C3orf52: variants seen among roughly 807,000 people sequenced by gnomAD.
The protein encoded by C3orf52 is TPA-induced transmembrane protein.
A neutral mutation model predicts 24.8 loss-of-function variants in C3orf52; 22 were observed. That is an observed-to-expected ratio of 0.89 (90% CI 0.63 to 1.27). C3orf52 has a LOEUF of 1.27. Among genes scored for constraint, C3orf52 ranks in the 50% most tolerant of loss-of-function variants. The pLI is 0.00. For missense variants in C3orf52, 265 were observed against 260.7 expected, an observed-to-expected ratio of 1.02 and a Z score of -0.11; for synonymous variants, 93 against 100.2, an observed-to-expected ratio of 0.93 and a Z score of 0.43.
intron 3 of C3orf52, 33 bp from the exon 4 acceptor site, chr3:112,109,510 T>C (rs758958652): frequency 4.3e-5 from 59 of 1,381,000 alleles, no homozygotes; most frequent in East Asian, 9.2e-5. Context: ...CTGTCGGTAA[T>C]GTGTGTGGTT....
chr3:112,135,734 AC>A (rs1217470051), downstream of C3orf52, among the ~76,000 whole-genome samples: 1 of 152,166 alleles, frequency 6.6e-6, no homozygotes, highest in Non-Finnish European at 1.5e-5. Context: ...GCCTGAACTC[AC>A]ACATTCTAGG....
Position 112,102,828 on chromosome 3 carries a change from CT to C in C3orf52, c.269-7del. The C allele has an allele frequency of 6.5e-7, 1 of 1,546,574 alleles. No homozygotes were observed. The highest frequency in any genetic ancestry group is 8.7e-7 in the Non-Finnish European group (1 of 1,146,082). ...TTGTTTTTCATTTCCACCTCCCCTACTTTCTTTAGTAACTTATGTTGATGAA... is the reference window on the plus strand; with the variant it reads ...TTGTTTTTCATTTCCACCTCCCCTACTTCTTTAGTAACTTATGTTGATGAA... On this transcript the variant is annotated splice_polypyrimidine_tract_variant and intron_variant, in intron 2 of 5. Transcript: ENST00000264848.
At chr3:112,128,391 G>A (rs1458373474) in exon 5 of C3orf52, 5 of 447,498 alleles carry the variant, frequency 1.1e-5, no homozygotes, top group East Asian at 4.7e-5. Context: ...CAAGGTACAA[G>A]TGTATGGAAA....
At chr3:112,123,140 G>C, downstream of C3orf52, 1 of 342,278 alleles carries the variant, frequency 2.9e-6, no homozygotes, top group Non-Finnish European at 5.4e-6. Flanking sequence ...CCAGACAGAA[G>C]AGCAGAGCCC....
chr3:112,086,551 G>A lies in C3orf52; in HGVS notation c.138+6G>A. On this transcript the variant is annotated splice_donor_region_variant and intron_variant, in intron 1 of 5. Transcript: ENST00000264848. ...AGGAGGTCCCCCCGGCCGAGGTAAG[G>A]TCCCCTTGGCGCTGGCCCTAACTTG... 6.5e-7 allele frequency: 1 copy of A among 1,550,098 alleles called. No individual in the cohort carries two copies. The highest frequency in any genetic ancestry group is 8.7e-7 in the Non-Finnish European group (1 of 1,146,336).
chr3:112,098,065 G>A (rs1489231755), intron 2 of C3orf52, among the ~76,000 whole-genome samples: 1 of 152,154 alleles, frequency 6.6e-6, no homozygotes, highest in African/African-American at 2.4e-5. Context: ...TCTTCCATCA[G>A]GATTCTTGCT....
Position 112,113,094 on chromosome 3 carries a change from A to G in C3orf52, c.598A>G (p.Ile200Val). Residue 200 changes from isoleucine (I) to valine (V), a missense_variant, in exon 5 of 6, where the codon ATA becomes GTA. Coordinates refer to ENST00000264848, the MANE Select transcript of C3orf52 (RefSeq NM_024616.3). Reference sequence around the variant, plus strand: ...GCTACAGGATTTCCGTGATCAGAATATACCTGGTTGTGAGAGTCTGGGGCT... The same window carrying G: ...GCTACAGGATTTCCGTGATCAGAATGTACCTGGTTGTGAGAGTCTGGGGCT... The part of the protein sequence containing the change: ...ILLQDFRDQN[I>V]PGCESLGLDP... 1 of 1,611,778 alleles carries G rather than the reference A, an allele frequency of 6.2e-7. No individual in the cohort carries two copies. The highest frequency in any genetic ancestry group is 2.2e-5 in the East Asian group (1 of 44,856).
At position 112,112,995 on chromosome 3, in the gene C3orf52, C is replaced by T. The variant is rs1250469717; in HGVS notation, c.499C>T (p.Gln167Ter). The change falls in exon 5 of 6, where the codon CAA (glutamine) becomes TAA (stop). Residue 167 changes from glutamine to a stop codon, truncating the protein, a stop_gained. Coordinates refer to ENST00000264848, the MANE Select transcript of C3orf52 (RefSeq NM_024616.3). LOFTEE classifies it high-confidence loss of function. ...GENATVTYDL[Q>*]FGVPSDDENF... ...AAATGCCACAGTAACGTATGACCTGCAATTTGGGGTTCCATCAGATGATGA... is the reference window on the plus strand; with the variant it reads ...AAATGCCACAGTAACGTATGACCTGTAATTTGGGGTTCCATCAGATGATGA... The T allele has an allele frequency of 6.2e-7, 1 of 1,608,346 alleles. No homozygotes were observed. The highest frequency in any genetic ancestry group is 8.5e-7 in the Non-Finnish European group (1 of 1,177,360).
At chr3:112,092,521 G>A (rs949837878) in intron 1 of C3orf52, among the ~76,000 whole-genome samples, 1 of 152,210 alleles carries the variant, frequency 6.6e-6, no homozygotes, top group African/African-American at 2.4e-5. Context: ...TGGACAAAAG[G>A]GAAAGTTGGA....
chr3:112,105,894 A>G (rs999469479), intron 3 of C3orf52, among the ~76,000 whole-genome samples: 1 of 151,650 alleles, frequency 6.6e-6, no homozygotes, highest in East Asian at 1.9e-4. Flanking sequence ...CTGACCAACC[A>G]GCTGCAAATT....
chr3:112,119,658 TCTCTCAATGTC>T, downstream of C3orf52: 3 of 603,526 alleles, frequency 5.0e-6, no homozygotes, highest in Non-Finnish European at 8.9e-6. Context: ...ATGGGAGAAA[TCTCTCAATGTC>T]CTCCTTCTCC....
At chr3:112,097,940 T>C (rs1289476777) in intron 2 of C3orf52, among the ~76,000 whole-genome samples, 1 of 152,206 alleles carries the variant, frequency 6.6e-6, no homozygotes, top group African/African-American at 2.4e-5. Flanking sequence ...GTTATTTATA[T>C]CTTACTGCTC....
At position 112,093,393 on chromosome 3, in the gene C3orf52, A is replaced by G. The variant is rs752742724; in HGVS notation, c.172A>G (p.Lys58Glu). ...NKESPWSSCNKNVVGRCKLWM... is the reference protein window; with the variant it reads ...NKESPWSSCNENVVGRCKLWM... ...GGAAAGCCCCTGGAGCTCCTGTAAT[A>G]AGAATGTGGTTGGAAGATGCAAACT... The change falls in exon 2 of 6, where the codon AAG (lysine) becomes GAG (glutamate). Residue 58 changes from lysine (K) to glutamate (E), a missense_variant. Transcript: ENST00000264848. The G allele has an allele frequency of 4.3e-6, 7 of 1,613,808 alleles. No individual in the cohort carries two copies. The Admixed American group carries it at 1.2e-4, about 27-fold the overall frequency.
At chr3:112,089,004 A>C (rs1409459156) in intron 1 of C3orf52, among the ~76,000 whole-genome samples, 2 of 152,194 alleles carry the variant, frequency 1.3e-5, no homozygotes, top group Admixed American at 6.5e-5. Flanking sequence ...CTTGAGACAA[A>C]GGAATAGAAG....
intron 1 of C3orf52, among the ~76,000 whole-genome samples, chr3:112,089,868 C>G (rs1268148556): frequency 6.6e-6 from 1 of 152,136 alleles, no homozygotes; most frequent in Non-Finnish European, 1.5e-5. Context: ...CATAGGAAAG[C>G]CCTGAAAATT....
Position 112,109,421 on chromosome 3 carries a change from T to C in C3orf52, c.397-122T>C, listed in dbSNP as rs959532964. On this transcript the variant is annotated intron_variant, in intron 3 of 5. Transcript: ENST00000264848. ...CAATTCTTGATCCAGAGCTTCCAGA[T>C]AACGTTGATTCCAGGCTGGAGTGGA... is the stretch of plus-strand genomic sequence containing the variant. The C allele has an allele frequency of 7.5e-5, 39 of 519,628 alleles. No individual in the cohort carries two copies. The Middle Eastern group carries it at 1.4e-3, about 19-fold the overall frequency. The allele number at this position is 519,628 out of a possible 1,614,324, so 32.2% of individuals were successfully genotyped here.
chr3:112,094,743 C>G (rs1343820156), intron 2 of C3orf52, among the ~76,000 whole-genome samples: 1 of 152,124 alleles, frequency 6.6e-6, no homozygotes, highest in Non-Finnish European at 1.5e-5. Flanking sequence ...TTTACATCCT[C>G]CAGTGGACAA....
chr3:112,119,236 G>T (rs1013311860), downstream of C3orf52, among the ~76,000 whole-genome samples: 6 of 152,120 alleles, frequency 3.9e-5, no homozygotes, highest in African/African-American at 1.4e-4. Context: ...TTAGCCAGGC[G>T]TGGTGGCAGG....
chr3:112,110,373 G>A (rs1416205121), intron 4 of C3orf52, among the ~76,000 whole-genome samples: 1 of 151,664 alleles, frequency 6.6e-6, no homozygotes, highest in Non-Finnish European at 1.5e-5. Flanking sequence ...ACATAAAGAG[G>A]TATGCACAGG....
Sources: allele counts gnomAD v4.1 joint callset (sites outside exome capture counted in the v4.1 genomes callset), GRCh38; gene constraint gnomAD v4.1.1; transcripts MANE v1.5; gene names NCBI Gene and HGNC (gene_info 2026-07-23, HGNC 2026-07-21).